Variants in ASNS observed in about 807,000 individuals in gnomAD.
ASNS encodes asparagine synthetase [glutamine-hydrolyzing].
In ASNS, 37 loss-of-function variants were observed where a neutral mutation model predicts 62.6. That is an observed-to-expected ratio of 0.59 (90% CI 0.45 to 0.78). The LOEUF (loss-of-function observed/expected upper bound fraction) is 0.78. Among genes scored for constraint, ASNS ranks in the 30% least tolerant of loss-of-function variants. The probability of loss-of-function intolerance (pLI) is 0.00; values close to 1 mark genes in which losing one functional copy is unlikely to be tolerated. For missense variants in ASNS, 520 were observed against 682.4 expected (o/e 0.76, Z 2.65); for synonymous variants, 207 against 237.9 (o/e 0.87, Z 1.19).
At chr7:97,862,573 A>T (rs1791773430) in intron 4 of ASNS, among the ~76,000 whole-genome samples, 1 of 152,158 alleles carries the variant, frequency 6.6e-6, no homozygotes, top group Admixed American at 6.5e-5. Context: ...AAATCCAAAA[A>T]TCTATAAAAC....
chr7:97,885,578 C>T, the ASNS span, among the ~76,000 whole-genome samples: 331 of 134,166 alleles, frequency 2.5e-3, no homozygotes, highest in South Asian at 6.5e-3. Flanking sequence ...ACCTGGGTCA[C>T]CCTCAACTTA....
At chr7:97,889,945 A>AAAAAAAAAC in the ASNS span, among the ~76,000 whole-genome samples, 1 of 148,816 alleles carries the variant, frequency 6.7e-6, no homozygotes, top group Non-Finnish European at 1.5e-5. Flanking sequence ...AAAAAAAAAA[A>AAAAAAAAAC]AAAAAACCAA....
At chr7:97,870,432 A>C (rs1333517277) in intron 1 of ASNS, 1 of 245,512 alleles carries the variant, frequency 4.1e-6, no homozygotes, top group Non-Finnish European at 7.7e-6. Context: ...TTCAAGTTGC[A>C]TAAGTCACTT....
At chr7:97,858,774 G>A (rs377223004) in intron 6 of ASNS, 80 bp downstream of exon 6, 2 of 1,337,208 alleles carry the variant, frequency 1.5e-6, no homozygotes, top group East Asian at 2.3e-5. Context: ...ATATTTTATA[G>A]TAAAAACCAA....
At chr7:97,902,009 G>T in the ASNS span, among the ~76,000 whole-genome samples, 1 of 152,150 alleles carries the variant, frequency 6.6e-6, no homozygotes. Context: ...TGTGGGCCTT[G>T]TTACAGAATT....
At chr7:97,876,508 A>G (rs1206913542), upstream of ASNS, among the ~76,000 whole-genome samples, 1 of 150,628 alleles carries the variant, frequency 6.6e-6, no homozygotes, top group Non-Finnish European at 1.5e-5. Context: ...GCTCACTGCA[A>G]CCTCTGCCTC....
intron 3 of ASNS, among the ~76,000 whole-genome samples, chr7:97,865,249 C>T (rs1415553219): frequency 3.3e-5 from 5 of 152,224 alleles, no homozygotes; most frequent in Admixed American, 6.5e-5. Flanking sequence ...ATACCTGCAT[C>T]AGCTGTTAAA....
At chr7:97,889,943 A>AAAAAAAAAAAC in the ASNS span, among the ~76,000 whole-genome samples, 1 of 149,496 alleles carries the variant, frequency 6.7e-6, no homozygotes, top group East Asian at 1.9e-4. Flanking sequence ...AAAAAAAAAA[A>AAAAAAAAAAAC]AAAAAAAACC....
chr7:97,855,013 T>A lies in ASNS; in HGVS notation c.1138-333A>T, dbSNP rs144271318. On this transcript the variant is annotated intron_variant, in intron 9 of 12. Transcript: ENST00000394308. The stretch of plus-strand genomic sequence containing the variant: ...TTTTTTAAGAGACGGGGTCTTACTC[T>A]GTCAACCAGGCAGGAGTGCAGTGGT... 1.2e-4 allele frequency: 45 copies of A among 363,316 alleles called. No individual in the cohort carries two copies. The Middle Eastern group carries it at 4.1e-3, about 33-fold the overall frequency. 22.5% of individuals were successfully genotyped at this position (363,316 alleles called of 1,614,324 possible). A position where few individuals can be genotyped will look rare whatever the true frequency, so the allele number is the denominator to read the frequency against.
the ASNS span, among the ~76,000 whole-genome samples, chr7:97,903,046 A>G: frequency 1.3e-4 from 20 of 152,162 alleles, no homozygotes; most frequent in Non-Finnish European, 2.8e-4. Flanking sequence ...CCTAAAATGC[A>G]CAGGGAACCC....
intron 4 of ASNS, among the ~76,000 whole-genome samples, chr7:97,860,331 G>A (rs770308259): frequency 6.6e-6 from 1 of 152,218 alleles, no homozygotes; most frequent in Non-Finnish European, 1.5e-5. Flanking sequence ...TCTGGAAAAG[G>A]ACAGTGTCAA....
chr7:97,912,803 A>G, the ASNS span, among the ~76,000 whole-genome samples: 15 of 151,178 alleles, frequency 9.9e-5, no homozygotes, highest in Non-Finnish European at 1.5e-5. Context: ...GCTGGTATCA[A>G]ACTCCTGGCC....
the ASNS span, among the ~76,000 whole-genome samples, chr7:97,888,802 G>C: frequency 6.6e-6 from 1 of 152,170 alleles, no homozygotes; most frequent in Non-Finnish European, 1.5e-5. Flanking sequence ...CTTTTATCTA[G>C]AAATGCATAG....
the ASNS span, among the ~76,000 whole-genome samples, chr7:97,887,448 C>T: frequency 6.6e-6 from 1 of 152,242 alleles, no homozygotes; most frequent in Non-Finnish European, 1.5e-5. Context: ...CAGTTCCTCC[C>T]ACTGAAGAAT....
the ASNS span, among the ~76,000 whole-genome samples, chr7:97,926,918 C>G: frequency 6.6e-6 from 1 of 151,936 alleles, no homozygotes; most frequent in Admixed American, 6.6e-5. Flanking sequence ...CTCTCTCTCT[C>G]TCTTTTGCTT....
At chr7:97,879,757 C>T in the ASNS span, among the ~76,000 whole-genome samples, 1 of 152,342 alleles carries the variant, frequency 6.6e-6, no homozygotes, top group Admixed American at 6.5e-5. Flanking sequence ...GGATTCCTGA[C>T]CCACAGAAAC....
chr7:97,855,010 C>G, intron 9 of ASNS: 1 of 331,958 alleles, frequency 3.0e-6, no homozygotes. Flanking sequence ...CGGGGTCTTA[C>G]TCTGTCAACC....
chr7:97,864,065 T>C (rs780003075), intron 4 of ASNS, 194 bp downstream of exon 4: 11 of 539,748 alleles, frequency 2.0e-5, no homozygotes, highest in Admixed American at 3.5e-5. Flanking sequence ...TAAAGAATCA[T>C]CCTTCAAGGA....
chr7:97,899,097 GC>G, the ASNS span: 1 of 492,964 alleles, frequency 2.0e-6, no homozygotes, highest in Non-Finnish European at 3.7e-6. Context: ...CTTTCATAAG[GC>G]ACTTGTTCTT....
Sources: gnomAD v4.1 joint callset for allele counts (sites outside exome capture counted in the v4.1 genomes callset) on GRCh38, gnomAD v4.1.1 for gene constraint, MANE v1.5 for transcripts, NCBI Gene and HGNC (gene_info 2026-07-23, HGNC 2026-07-21) for gene names.